The following MAST2 variants were observed in gnomAD, a reference collection of about 807,000 sequenced individuals.
MAST2 encodes microtubule-associated serine/threonine-protein kinase 2.
In MAST2, 70 loss-of-function variants were observed where a neutral mutation model predicts 147.4. That is an observed-to-expected ratio of 0.47 (90% CI 0.39 to 0.58). The LOEUF (loss-of-function observed/expected upper bound fraction) is 0.58, where lower values mean the gene tolerates loss of function less well. Among genes scored for constraint, MAST2 ranks in the 20% least tolerant of loss-of-function variants. The probability of loss-of-function intolerance (pLI) is 0.00; values close to 1 mark genes in which losing one functional copy is unlikely to be tolerated. For missense variants in MAST2, 2,080 were observed against 2,302.3 expected (o/e 0.90, Z 1.98); for synonymous variants, 869 against 896.8 (o/e 0.97, Z 0.55).
intron 15 of MAST2, 30 bp downstream of exon 15, chr1:46,024,010 G>A (rs753228870): frequency 2.5e-6 from 4 of 1,607,128 alleles, no homozygotes; most frequent in Non-Finnish European, 3.4e-6. Context: ...CTGGCATGGA[G>A]GCCAAGGCAC....
intron 3 of MAST2, among the ~76,000 whole-genome samples, chr1:45,857,440 T>A (rs1365062811): frequency 1.3e-5 from 2 of 152,206 alleles, no homozygotes; most frequent in Non-Finnish European, 2.9e-5. Flanking sequence ...CTTGATTGAT[T>A]GACTCTCTGT....
chr1:46,012,570 A>G (rs765502283), intron 10 of MAST2, among the ~76,000 whole-genome samples: 1 of 152,188 alleles, frequency 6.6e-6, no homozygotes, highest in Non-Finnish European at 1.5e-5. Context: ...TGACTGCAAT[A>G]CAATGTGATT....
chr1:45,967,516 A>G (rs971968452), intron 5 of MAST2, among the ~76,000 whole-genome samples: 1 of 152,202 alleles, frequency 6.6e-6, no homozygotes, highest in Non-Finnish European at 1.5e-5. Context: ...AGCTAGAGAA[A>G]AGAAAATTTG....
chr1:45,865,716 C>T (rs977686113), intron 3 of MAST2, among the ~76,000 whole-genome samples: 3 of 152,122 alleles, frequency 2.0e-5, no homozygotes, highest in Non-Finnish European at 4.4e-5. Context: ...TAAGATATAA[C>T]AGTGAATGAA....
chr1:45,841,338 A>G (rs1236693106), intron 3 of MAST2, among the ~76,000 whole-genome samples: 3 of 152,030 alleles, frequency 2.0e-5, no homozygotes, highest in Non-Finnish European at 2.9e-5. Context: ...CAAAATGTAT[A>G]TATTTTTTTC....
intron 4 of MAST2, among the ~76,000 whole-genome samples, chr1:45,930,216 T>C (rs545875284): frequency 6.6e-6 from 1 of 152,238 alleles, no homozygotes; most frequent in African/African-American, 2.4e-5. Context: ...TAGCTGAGAT[T>C]ACAGGCACCC....
At chr1:46,014,266 C>G (rs1645838775) in intron 10 of MAST2, among the ~76,000 whole-genome samples, 1 of 151,136 alleles carries the variant, frequency 6.6e-6, no homozygotes, top group Admixed American at 6.6e-5. Flanking sequence ...TGCTGGTGTG[C>G]TGCACCAATT....
Position 46,029,837 on chromosome 1 carries a change from C to T in MAST2, c.2327C>T (p.Ala776Val). 6.2e-7 allele frequency: 1 copy of T among 1,614,088 alleles called. No individual in the cohort carries two copies. Among genetic ancestry groups the T allele is most frequent in the Non-Finnish European group, 8.5e-7 (1 of 1,179,984 alleles). ...NPLERLGTGS[A>V]YEVKQHPFFT... ...ATGTCCTCCCTGTCCACAGGCAGTG[C>T]CTATGAGGTGAAGCAGCACCCATTC... The change falls in exon 20 of 29, where the codon GCC (alanine) becomes GTC (valine). Residue 776 changes from alanine (A) to valine (V), a missense_variant. By Grantham distance (64) the Ala-to-Val change is moderately conservative. Transcript: ENST00000361297.
rs890628280 is a variant in MAST2, at chr1:45,895,304, G to GT, written c.500+12919dup. ...AGCTGCTATAATCATTCATGTATAA[G>GT]TTTTTTTTTTATGGGCATATGTTTT... On this transcript the variant is annotated intron_variant, in intron 4 of 28. Transcript: ENST00000361297. 4.8e-4 allele frequency among the ~76,000 whole-genome samples: 72 copies of GT among 148,690 alleles called. 1 individual carries two copies. Among genetic ancestry groups the GT allele is most frequent in the Middle Eastern group, 6.8e-3 (2 of 292 alleles).
chr1:46,023,576 T>C lies in MAST2; in HGVS notation c.1572-196T>C. The C allele has an allele frequency of 1.6e-6, 1 of 628,072 alleles. No homozygotes were observed. Among genetic ancestry groups the C allele is most frequent in the Non-Finnish European group, 2.8e-6 (1 of 357,402 alleles). 38.9% of individuals were successfully genotyped at this position (628,072 alleles called of 1,614,324 possible). ...AGCTCTGGGGAAGCATTGAGCCGTG[T>C]CATCAGGACATGGTCTATCAAGAAG... On this transcript the variant is annotated intron_variant, in intron 14 of 28. Coordinates refer to ENST00000361297, the MANE Select transcript of MAST2 (RefSeq NM_015112.3). This position sits in a 1 kb window ranked among gnomAD's most constrained non-coding sequence, Gnocchi z 4.9.
At chr1:45,845,091 T>A (rs1645388840) in intron 3 of MAST2, among the ~76,000 whole-genome samples, 1 of 152,164 alleles carries the variant, frequency 6.6e-6, no homozygotes, top group Non-Finnish European at 1.5e-5. Flanking sequence ...GAAATTAAAT[T>A]TCCAGCACAT....
intron 5 of MAST2, among the ~76,000 whole-genome samples, chr1:45,971,009 C>A (rs1643894877): frequency 6.6e-6 from 1 of 152,102 alleles, no homozygotes; most frequent in African/African-American, 2.4e-5. Context: ...AATCAGGAGA[C>A]AGATAACAGA....
intron 3 of MAST2, among the ~76,000 whole-genome samples, chr1:45,837,124 C>G (rs1009575453): frequency 2.0e-5 from 3 of 152,142 alleles, no homozygotes; most frequent in African/African-American, 7.2e-5. Flanking sequence ...GTGGCCTGGT[C>G]CCTAACAGGC....
intron 10 of MAST2, among the ~76,000 whole-genome samples, chr1:46,015,520 A>C (rs1465425223): frequency 6.6e-6 from 1 of 152,226 alleles, no homozygotes; most frequent in East Asian, 1.9e-4. Context: ...AGAAATACAA[A>C]CTACCATCAG....
chr1:45,956,063 T>C (rs1186550572), intron 4 of MAST2, among the ~76,000 whole-genome samples: 5 of 152,212 alleles, frequency 3.3e-5, no homozygotes, highest in Admixed American at 2.6e-4. Flanking sequence ...TCTGTCACTA[T>C]AGATTAGTTA....
At chr1:46,016,632 A>G (rs888455842) in intron 10 of MAST2, among the ~76,000 whole-genome samples, 1 of 152,186 alleles carries the variant, frequency 6.6e-6, no homozygotes, top group African/African-American at 2.4e-5. Flanking sequence ...GACGTGAAGG[A>G]CCTCTTCAAG....
At position 46,031,228 on chromosome 1, in the gene MAST2, CAG is replaced by C. The variant is rs1377733720; in HGVS notation, c.2931_2932del (p.Glu979AlafsTer7). On this transcript the variant is annotated frameshift_variant, in exon 23 of 29. Transcript: ENST00000361297. LOFTEE classifies it high-confidence loss of function. The surrounding 1 kb of genome is among the most constrained non-coding windows in gnomAD (Gnocchi z 4.1). ...GTATCTGGGCCTGTCACTGAACACTCAGGGGAGCAGCGGCCAAAGCTGGATGA... is the reference window on the plus strand; with the variant it reads ...GTATCTGGGCCTGTCACTGAACACTCGGGAGCAGCGGCCAAAGCTGGATGA... 8 of 1,545,396 alleles carry C rather than the reference CAG, an allele frequency of 5.2e-6. No homozygotes were observed. The highest frequency in any genetic ancestry group is 1.4e-5 in the African/African-American group (1 of 73,086).
At chr1:45,822,290 A>G (rs1489255002) in intron 1 of MAST2, among the ~76,000 whole-genome samples, 1 of 152,150 alleles carries the variant, frequency 6.6e-6, no homozygotes, top group Admixed American at 6.5e-5. Flanking sequence ...TAAAATGAGT[A>G]ATGTACTTCA....
At chr1:45,979,877 C>T (rs1421365421) in intron 5 of MAST2, among the ~76,000 whole-genome samples, 2 of 152,158 alleles carry the variant, frequency 1.3e-5, no homozygotes, top group Non-Finnish European at 2.9e-5. Flanking sequence ...AGAATGAAAT[C>T]ACTGATGCAG....
Sources: allele counts gnomAD v4.1 joint callset (sites outside exome capture counted in the v4.1 genomes callset), GRCh38; gene constraint gnomAD v4.1.1; non-coding constraint Gnocchi (gnomAD v3.1); transcripts MANE v1.5; gene names NCBI Gene and HGNC (gene_info 2026-07-23, HGNC 2026-07-21).